Variants in EFCAB11 observed in about 807,000 individuals in gnomAD.
EFCAB11 encodes EF-hand calcium-binding domain-containing protein 11.
In EFCAB11, 14 loss-of-function variants were observed where a neutral mutation model predicts 23.0. The observed-to-expected ratio is 0.61, with a 90% CI of 0.40 to 0.95. The LOEUF (loss-of-function observed/expected upper bound fraction) is 0.95. Ranked by LOEUF, EFCAB11 falls within the 40% of genes least tolerant of loss-of-function variation. The pLI is 0.00. For synonymous variants in EFCAB11, 65 were observed against 66.6 expected (o/e 0.98, Z 0.11); for missense variants, 198 against 195.8 (o/e 1.01, Z -0.07).
chr14:89,950,608 A>G (rs931292731), intron 2 of EFCAB11, among the ~76,000 whole-genome samples: 1 of 152,188 alleles, frequency 6.6e-6, no homozygotes, highest in Non-Finnish European at 1.5e-5. Flanking sequence ...ATCCAATGAA[A>G]ATCATTGTTA....
intron 5 of EFCAB11, chr14:89,830,507 C>T (rs1430659306): frequency 3.3e-5 from 5 of 152,142 alleles, no homozygotes; most frequent in African/African-American, 1.2e-4. Context: ...TACAAAGTAT[C>T]GGTTTGCAAC....
chr14:89,942,474 T>C (rs1890825568), intron 3 of EFCAB11, among the ~76,000 whole-genome samples: 1 of 152,228 alleles, frequency 6.6e-6, no homozygotes. Flanking sequence ...GACAGATGAC[T>C]GTTTTCCAGG....
chr14:89,894,662 A>G (rs968516411), intron 5 of EFCAB11, among the ~76,000 whole-genome samples: 4 of 152,328 alleles, frequency 2.6e-5, no homozygotes, highest in African/African-American at 9.6e-5. Context: ...TAGCCAGTGC[A>G]TATGTCAGCA....
intron 1 of EFCAB11, 191 bp downstream of exon 1, chr14:89,954,395 A>T (rs1409305350): frequency 1.3e-6 from 2 of 1,536,326 alleles, no homozygotes; most frequent in Admixed American, 3.9e-5. Flanking sequence ...TGGAACTTGG[A>T]GGTAGCCGTA....
At chr14:89,858,656 AT>A (rs10648464) in intron 5 of EFCAB11, among the ~76,000 whole-genome samples, 90 of 89,010 alleles carry the variant, frequency 1.0e-3, no homozygotes, top group East Asian at 3.8e-3. Context: ...CACCCAGCTA[AT>A]TTTTTTTTTT....
At chr14:89,809,971 C>T (rs1886097367) in intron 5 of EFCAB11, among the ~76,000 whole-genome samples, 1 of 152,156 alleles carries the variant, frequency 6.6e-6, no homozygotes, top group South Asian at 2.1e-4. Flanking sequence ...TAATGATGAC[C>T]CGGATTTTAG....
intron 5 of EFCAB11, among the ~76,000 whole-genome samples, chr14:89,908,337 G>C (rs538994498): frequency 6.6e-6 from 1 of 152,246 alleles, no homozygotes; most frequent in African/African-American, 2.4e-5. Context: ...GTTTATAAAT[G>C]AAGAAACTAA....
intron 5 of EFCAB11, among the ~76,000 whole-genome samples, chr14:89,926,392 A>G (rs1890195175): frequency 6.6e-6 from 1 of 152,216 alleles, no homozygotes; most frequent in Non-Finnish European, 1.5e-5. Context: ...CCCTAATAAA[A>G]CAAAGACCTC....
intron 5 of EFCAB11, among the ~76,000 whole-genome samples, chr14:89,831,781 T>C (rs1214512931): frequency 6.6e-6 from 1 of 152,250 alleles, no homozygotes; most frequent in Non-Finnish European, 1.5e-5. Flanking sequence ...GATTGAAACC[T>C]TTTAAAAAGT....
At chr14:89,873,922 C>T (rs1157712247) in intron 5 of EFCAB11, among the ~76,000 whole-genome samples, 1 of 152,196 alleles carries the variant, frequency 6.6e-6, no homozygotes, top group African/African-American at 2.4e-5. Context: ...GTCTATCATT[C>T]TGGGGTCTGG....
chr14:89,876,595 A>G (rs1566793278), intron 5 of EFCAB11, among the ~76,000 whole-genome samples: 1 of 152,230 alleles, frequency 6.6e-6, no homozygotes, highest in Non-Finnish European at 1.5e-5. Context: ...CATTTGTTTG[A>G]TATTATGAAG....
chr14:89,887,459 C>T lies in EFCAB11; in HGVS notation c.410+44082G>A, dbSNP rs979384294. 3.3e-5 allele frequency among the ~76,000 whole-genome samples: 5 copies of T among 152,230 alleles called. No homozygotes were observed. In the East Asian group the frequency reaches 9.6e-4, roughly 29 times the overall value. ...ATGTGTAGTTTGAAGTTTTGGAATT[C>T]TTTTTAAAAAGTAAAACTAGAAATA... is the stretch of plus-strand genomic sequence containing the variant. On this transcript the variant is annotated intron_variant, in intron 5 of 5. Coordinates refer to ENST00000316738, the MANE Select transcript of EFCAB11 (RefSeq NM_145231.4).
intron 5 of EFCAB11, among the ~76,000 whole-genome samples, chr14:89,838,948 A>C (rs1235472750): frequency 6.6e-6 from 1 of 152,238 alleles, no homozygotes. Flanking sequence ...GATGTGAAAG[A>C]AATGAAAATC....
chr14:89,882,883 A>G (rs969407364), intron 5 of EFCAB11, among the ~76,000 whole-genome samples: 3 of 152,150 alleles, frequency 2.0e-5, no homozygotes, highest in Non-Finnish European at 4.4e-5. Context: ...GGGGTGGAAA[A>G]GTGGGTCCTC....
intron 5 of EFCAB11, among the ~76,000 whole-genome samples, chr14:89,915,626 C>A (rs1889816991): frequency 6.6e-6 from 1 of 151,904 alleles, no homozygotes; most frequent in African/African-American, 2.4e-5. Flanking sequence ...AATAATAATC[C>A]ACTCTGGCTT....
chr14:89,914,251 C>T (rs1889767291), intron 5 of EFCAB11, among the ~76,000 whole-genome samples: 1 of 152,220 alleles, frequency 6.6e-6, no homozygotes. Context: ...CATGAGGCAT[C>T]ATCACACCCA....
intron 5 of EFCAB11, among the ~76,000 whole-genome samples, chr14:89,854,396 A>G (rs1185952802): frequency 6.6e-6 from 1 of 152,122 alleles, no homozygotes; most frequent in Non-Finnish European, 1.5e-5. Flanking sequence ...GAGGCTGCCC[A>G]TTGCTCCCCT....
chr14:89,832,432 G>T (rs1440849277), intron 5 of EFCAB11, among the ~76,000 whole-genome samples: 4 of 152,076 alleles, frequency 2.6e-5, no homozygotes, highest in Non-Finnish European at 5.9e-5. Flanking sequence ...GGCAACTTGG[G>T]AGCTCTCCAG....
intron 5 of EFCAB11, chr14:89,892,045 G>T: frequency 2.6e-6 from 4 of 1,538,916 alleles, no homozygotes; most frequent in Non-Finnish European, 3.5e-6. Flanking sequence ...CCTTTTACCG[G>T]AATGTGGTGG....
Sources: allele counts gnomAD v4.1 joint callset (sites outside exome capture counted in the v4.1 genomes callset), GRCh38; gene constraint gnomAD v4.1.1; transcripts MANE v1.5; gene names NCBI Gene and HGNC (gene_info 2026-07-23, HGNC 2026-07-21).